The following ADAM18 variants were observed in gnomAD, a reference collection of about 807,000 sequenced individuals.
ADAM18 encodes ADAM metallopeptidase domain 18.
Under a neutral mutation model 94.4 loss-of-function variants are expected in ADAM18, and 117 were observed. The ratio of observed to expected loss-of-function variants is 1.24; its 90% CI spans 1.07 to 1.45. The LOEUF (loss-of-function observed/expected upper bound fraction) is 1.45. Ranked by LOEUF, ADAM18 falls within the 40% of genes most tolerant of loss-of-function variation. The probability of loss-of-function intolerance (pLI) is 0.00; values close to 1 mark genes in which losing one functional copy is unlikely to be tolerated. For missense variants in ADAM18, 936 were observed against 880.0 expected, an observed-to-expected ratio of 1.06 and a Z score of -0.81; for synonymous variants, 327 against 291.6, an observed-to-expected ratio of 1.12 and a Z score of -1.24.
At chr8:39,666,594 T>C (rs918375849) in intron 13 of ADAM18, among the ~76,000 whole-genome samples, 1 of 152,186 alleles carries the variant, frequency 6.6e-6, no homozygotes, top group Non-Finnish European at 1.5e-5. Context: ...TCGCAGCTCC[T>C]CATGGCTGGG....
At chr8:39,640,068 G>A (rs1820193395) in intron 10 of ADAM18, among the ~76,000 whole-genome samples, 1 of 151,948 alleles carries the variant, frequency 6.6e-6, no homozygotes, top group Non-Finnish European at 1.5e-5. Flanking sequence ...GGATGTGCAG[G>A]TTTGTTACCT....
intron 2 of ADAM18, 86 bp downstream of exon 2, chr8:39,585,438 T>G (rs1818369821): frequency 1.1e-6 from 1 of 935,472 alleles, no homozygotes. Context: ...CATACTAATT[T>G]GTATTCATTG....
At chr8:39,589,298 A>T (rs537008339) in intron 2 of ADAM18, among the ~76,000 whole-genome samples, 4 of 152,338 alleles carry the variant, frequency 2.6e-5, no homozygotes, top group Admixed American at 2.0e-4. Flanking sequence ...TAGGCACATT[A>T]TATCTTACTC....
In ADAM18 at chr8:39,654,153, C is replaced by CTTTTTT. The variant is rs1563292600; in HGVS notation, c.1230+5626_1230+5627insTTTTTT. ...TTGCTGCCACTGACAGGATTTCATT[C>CTTTTTT]CTTTTTTTTTTTTTTTTTTTTGGAG... On this transcript the variant is annotated intron_variant, in intron 12 of 19. Transcript: ENST00000265707. Among the ~76,000 whole-genome samples, 11 of 118,768 alleles carry CTTTTTT rather than the reference C, an allele frequency of 9.3e-5. 2 individuals are homozygous for CTTTTTT. Among genetic ancestry groups the CTTTTTT allele is most frequent in the African/African-American group, 1.7e-4 (5 of 29,252 alleles). The allele number at this position is 118,768 out of a possible 152,430, so 77.9% of individuals were successfully genotyped here. A position where few individuals can be genotyped will look rare whatever the true frequency, so the allele number is the denominator to read the frequency against.
intron 11 of ADAM18, among the ~76,000 whole-genome samples, chr8:39,647,088 G>A (rs980025200): frequency 6.6e-6 from 1 of 152,002 alleles, no homozygotes; most frequent in African/African-American, 2.4e-5. Context: ...GAAAAACAGT[G>A]GGCCCAGGAG....
chr8:39,645,676 T>C (rs1820358298), intron 11 of ADAM18, among the ~76,000 whole-genome samples: 1 of 152,170 alleles, frequency 6.6e-6, no homozygotes, highest in African/African-American at 2.4e-5. Flanking sequence ...TGCACACACA[T>C]ACACATCACT....
At chr8:39,691,588 A>G (rs1026689822) in intron 16 of ADAM18, among the ~76,000 whole-genome samples, 1 of 152,114 alleles carries the variant, frequency 6.6e-6, no homozygotes, top group Non-Finnish European at 1.5e-5. Flanking sequence ...GTAATTGCTC[A>G]TTAATGGATG....
chr8:39,629,182 G>A (rs957704151), intron 6 of ADAM18, among the ~76,000 whole-genome samples, 192 bp from the exon 7 acceptor site: 1 of 151,668 alleles, frequency 6.6e-6, no homozygotes, highest in African/African-American at 2.4e-5. Context: ...CATTACTCTG[G>A]CAGGTTCATT....
chr8:39,595,024 A>T (rs1299346877), intron 2 of ADAM18, among the ~76,000 whole-genome samples: 1 of 150,766 alleles, frequency 6.6e-6, no homozygotes, highest in African/African-American at 2.4e-5. Flanking sequence ...ATTTTTTGTC[A>T]TTTTCTGGTA....
intron 19 of ADAM18, 42 bp from the exon 20 acceptor site, chr8:39,729,856 C>T (rs1823024024): frequency 4.5e-6 from 7 of 1,557,904 alleles, no homozygotes; most frequent in Non-Finnish European, 6.2e-6. Context: ...TACTACTAAA[C>T]ATATTGTGAA....
At chr8:39,726,058 G>A (rs1323246471) in intron 19 of ADAM18, among the ~76,000 whole-genome samples, 1 of 151,946 alleles carries the variant, frequency 6.6e-6, no homozygotes, top group African/African-American at 2.4e-5. Context: ...AACCTAAGAT[G>A]TAAAGTAAGC....
intron 6 of ADAM18, among the ~76,000 whole-genome samples, chr8:39,628,459 A>T (rs1230964976): frequency 1.3e-5 from 2 of 151,900 alleles, no homozygotes; most frequent in African/African-American, 4.8e-5. Flanking sequence ...ATAGATAGAT[A>T]AACAACAATA....
At chr8:39,698,252 C>T (rs1251037025) in intron 17 of ADAM18, among the ~76,000 whole-genome samples, 1 of 151,742 alleles carries the variant, frequency 6.6e-6, no homozygotes, top group South Asian at 2.1e-4. Context: ...ATTATTTTTC[C>T]ATTTTTAAAT....
chr8:39,659,929 T>G (rs1820789003), intron 12 of ADAM18, among the ~76,000 whole-genome samples: 1 of 152,080 alleles, frequency 6.6e-6, no homozygotes, highest in South Asian at 2.1e-4. Flanking sequence ...TGACAATCCA[T>G]CTGCAAAGAA....
chr8:39,594,668 G>A (rs769133428), intron 2 of ADAM18, among the ~76,000 whole-genome samples: 3 of 150,684 alleles, frequency 2.0e-5, no homozygotes, highest in Non-Finnish European at 4.4e-5. Context: ...GTCTTCTTAT[G>A]AGAAATTTGC....
chr8:39,703,293 G>T (rs1333037868), intron 17 of ADAM18, among the ~76,000 whole-genome samples: 3 of 152,026 alleles, frequency 2.0e-5, no homozygotes, highest in African/African-American at 4.8e-5. Context: ...ACTGTTGTTG[G>T]TGTATCAGAA....
chr8:39,592,320 G>A (rs1818591647), intron 2 of ADAM18, among the ~76,000 whole-genome samples: 1 of 151,896 alleles, frequency 6.6e-6, no homozygotes, highest in Non-Finnish European at 1.5e-5. Context: ...TTCACTAACT[G>A]GTATCTAAAT....
intron 6 of ADAM18, chr8:39,611,635 A>G (rs906031268): frequency 2.1e-6 from 2 of 966,684 alleles, no homozygotes; most frequent in African/African-American, 1.8e-5. Flanking sequence ...CCACATATAC[A>G]TCAGAGTAAA....
chr8:39,612,324 A>G (rs1449560491), intron 6 of ADAM18, among the ~76,000 whole-genome samples: 1 of 152,162 alleles, frequency 6.6e-6, no homozygotes, highest in Non-Finnish European at 1.5e-5. Context: ...GACCCTGCAC[A>G]GGGCTGTTAA....
Sources: gnomAD v4.1 joint callset for allele counts (sites outside exome capture counted in the v4.1 genomes callset) on GRCh38, gnomAD v4.1.1 for gene constraint, MANE v1.5 for transcripts, NCBI Gene and HGNC (gene_info 2026-07-23, HGNC 2026-07-21) for gene names.